Variants in SPSB4 observed in about 807,000 individuals in gnomAD.
The protein encoded by SPSB4 is splA/ryanodine receptor domain and SOCS box containing 4, also known as SPRY domain-containing SOCS box protein 4.
SPSB4 carries 21 observed loss-of-function variants against 20.9 expected under a neutral mutation model. That is an observed-to-expected ratio of 1.01 (90% CI 0.71 to 1.45). The LOEUF is 1.45. Among genes scored for constraint, SPSB4 ranks in the 40% most tolerant of loss-of-function variants. The probability of loss-of-function intolerance (pLI) is 0.00; values close to 1 mark genes in which losing one functional copy is unlikely to be tolerated. For synonymous variants in SPSB4, 207 were observed against 183.8 expected (o/e 1.13, Z -1.02); for missense variants, 399 against 399.2 (o/e 1.00, Z 0.00).
chr3:141,112,900 G>A (rs905857123), intron 2 of SPSB4, among the ~76,000 whole-genome samples: 5 of 152,086 alleles, frequency 3.3e-5, no homozygotes, highest in African/African-American at 9.7e-5. Flanking sequence ...GTTCTGACAG[G>A]GGCCTCTGAG....
In SPSB4 at chr3:141,147,125, C is replaced by G. The variant is rs1043109217; in HGVS notation, c.695-17C>G. On this transcript the variant is annotated splice_polypyrimidine_tract_variant and intron_variant, in intron 2 of 2. Coordinates refer to ENST00000310546, the MANE Select transcript of SPSB4 (RefSeq NM_080862.3). ...GATGGCACAGGGCACACTCTAACTG[C>G]TTCCCTCTCATTGCAGCCGAGCCCC... 7.4e-6 allele frequency: 12 copies of G among 1,613,498 alleles called. No individual in the cohort carries two copies. Among genetic ancestry groups the G allele is most frequent in the Non-Finnish European group, 1.0e-5 (12 of 1,179,952 alleles).
chr3:141,094,693 G>A (rs1938516233), intron 2 of SPSB4, among the ~76,000 whole-genome samples: 1 of 152,126 alleles, frequency 6.6e-6, no homozygotes, highest in Non-Finnish European at 1.5e-5. Flanking sequence ...ACCCTGAGGA[G>A]GAAGCTGATT....
At chr3:141,135,450 C>A (rs1241316220) in intron 2 of SPSB4, among the ~76,000 whole-genome samples, 1 of 151,832 alleles carries the variant, frequency 6.6e-6, no homozygotes, top group Non-Finnish European at 1.5e-5. Flanking sequence ...CACCCATTAA[C>A]TCATCATTTA....
intron 2 of SPSB4, among the ~76,000 whole-genome samples, chr3:141,076,594 C>T (rs985149510): frequency 6.6e-6 from 1 of 152,252 alleles, no homozygotes; most frequent in Non-Finnish European, 1.5e-5. Context: ...AGGAGAAGTG[C>T]TGGTATCACA....
intron 2 of SPSB4, among the ~76,000 whole-genome samples, chr3:141,088,475 C>G (rs1404292029): frequency 6.6e-6 from 1 of 152,222 alleles, no homozygotes; most frequent in Non-Finnish European, 1.5e-5. Flanking sequence ...TGGGGTGCCC[C>G]CACCACATCC....
intron 2 of SPSB4, among the ~76,000 whole-genome samples, chr3:141,129,225 A>G (rs1939097296): frequency 6.6e-6 from 1 of 152,194 alleles, no homozygotes; most frequent in Admixed American, 6.5e-5. Flanking sequence ...GGTTTTGCCC[A>G]TGCTCTATTC....
intron 2 of SPSB4, among the ~76,000 whole-genome samples, chr3:141,125,194 T>G (rs1026187833): frequency 1.3e-5 from 2 of 152,222 alleles, no homozygotes; most frequent in Non-Finnish European, 2.9e-5. Flanking sequence ...ATAATTTTTT[T>G]CATATGAAGA....
intron 1 of SPSB4, among the ~76,000 whole-genome samples, chr3:141,058,998 A>G (rs1937710409): frequency 6.6e-6 from 1 of 152,140 alleles, no homozygotes; most frequent in African/African-American, 2.4e-5. Flanking sequence ...TGTTCAAAGT[A>G]CCAGGCTTGT....
intron 2 of SPSB4, among the ~76,000 whole-genome samples, chr3:141,137,870 C>A (rs1939254403): frequency 6.6e-6 from 1 of 152,086 alleles, no homozygotes; most frequent in African/African-American, 2.4e-5. Flanking sequence ...GGGAGGATTC[C>A]CTCTTTTTCT....
chr3:141,121,128 A>G (rs1034634022), intron 2 of SPSB4, among the ~76,000 whole-genome samples: 6 of 151,924 alleles, frequency 3.9e-5, no homozygotes, highest in African/African-American at 1.5e-4. Context: ...ATCTCTCAGC[A>G]TTTGCTTGTC....
At chr3:141,082,458 C>T (rs544591186) in intron 2 of SPSB4, among the ~76,000 whole-genome samples, 276 of 152,262 alleles carry the variant, frequency 1.8e-3, no homozygotes, top group Non-Finnish European at 2.5e-3. Flanking sequence ...TTTGGCTTTT[C>T]GTGAGGTCCA....
At chr3:141,110,102 C>A (rs1938771771) in intron 2 of SPSB4, among the ~76,000 whole-genome samples, 2 of 152,204 alleles carry the variant, frequency 1.3e-5, no homozygotes, top group South Asian at 4.1e-4. Flanking sequence ...GCAGCCCTGC[C>A]TTTGGGGATA....
chr3:141,142,803 CTTTTTTTTTTTTTTTTTTT>C (rs57674247), intron 2 of SPSB4, among the ~76,000 whole-genome samples: 4,802 of 62,196 alleles, frequency 0.077, 373 homozygotes, highest in African/African-American at 0.22. Flanking sequence ...CCCTCTTTGT[CTTTTTTTTTTTTTTTTTTT>C]TTTTTTTTTT....
chr3:141,105,009 G>A (rs1938666669), intron 2 of SPSB4, among the ~76,000 whole-genome samples: 2 of 152,200 alleles, frequency 1.3e-5, no homozygotes, highest in Non-Finnish European at 2.9e-5. Flanking sequence ...CGTAGAGAAT[G>A]AGGCCCTGAG....
intron 2 of SPSB4, among the ~76,000 whole-genome samples, chr3:141,080,626 G>C (rs73234858): frequency 1.3e-3 from 194 of 152,356 alleles, no homozygotes; most frequent in Middle Eastern, 3.4e-3. Flanking sequence ...GTAAGCTCTG[G>C]CTTCCCCTTT....
intron 2 of SPSB4, among the ~76,000 whole-genome samples, chr3:141,086,890 G>T (rs531778560): frequency 2.0e-5 from 3 of 152,296 alleles, no homozygotes; most frequent in East Asian, 3.9e-4. Flanking sequence ...CTTGCCCAAG[G>T]TCACGTAGCT....
At chr3:141,134,057 T>TTTTC (rs1939185784) in intron 2 of SPSB4, among the ~76,000 whole-genome samples, 1 of 64,090 alleles carries the variant, frequency 1.6e-5, no homozygotes, top group Admixed American at 1.9e-4. Flanking sequence ...TTCTTTTTTC[T>TTTTC]TTTTTTTTTT....
At chr3:141,140,754 C>T (rs187135705) in intron 2 of SPSB4, among the ~76,000 whole-genome samples, 151 of 152,326 alleles carry the variant, frequency 9.9e-4, no homozygotes, top group African/African-American at 3.3e-3. Context: ...GGGGTTGTCT[C>T]CCAGTTAGGC....
chr3:141,108,872 C>T (rs1938748277), intron 2 of SPSB4, among the ~76,000 whole-genome samples: 1 of 152,174 alleles, frequency 6.6e-6, no homozygotes, highest in Admixed American at 6.5e-5. Context: ...GGGGAGGGCA[C>T]AGCATGTGTG....
Sources: gnomAD v4.1 joint callset for allele counts (sites outside exome capture counted in the v4.1 genomes callset) on GRCh38, gnomAD v4.1.1 for gene constraint, MANE v1.5 for transcripts, NCBI Gene and HGNC (gene_info 2026-07-23, HGNC 2026-07-21) for gene names.